The following ITSN1 variants were observed in gnomAD, a reference collection of about 807,000 sequenced individuals.
ITSN1 encodes the protein intersectin-1.
A neutral mutation model predicts 239.8 loss-of-function variants in ITSN1; 58 were observed. The observed-to-expected ratio is 0.24, with a 90% confidence interval of 0.20 to 0.30. The LOEUF is 0.30. Ranked by LOEUF, ITSN1 falls within the 10% of genes least tolerant of loss-of-function variation. ITSN1 has a pLI of 1.00. For synonymous variants in ITSN1, 780 were observed against 770.8 expected (o/e 1.01, Z -0.20); for missense variants, 1,558 against 2,103.3 (o/e 0.74, Z 5.07).
At position 33,775,125 on chromosome 21, in the gene ITSN1, C is replaced by T. The variant is rs959176970; in HGVS notation, c.1596+17C>T. ...CAATTACAGGTGAGGAAATATGCCTCTTAAAAGCTATTATATTAAACTGGC... is the reference window on the plus strand; with the variant it reads ...CAATTACAGGTGAGGAAATATGCCTTTTAAAAGCTATTATATTAAACTGGC... On this transcript the variant is annotated intron_variant, in intron 14 of 39. Transcript: ENST00000381318. 1.9e-6 allele frequency: 3 copies of T among 1,599,074 alleles called. No individual in the cohort carries two copies. The highest frequency in any genetic ancestry group is 2.6e-6 in the Non-Finnish European group (3 of 1,175,292).
chr21:33,765,771 T>A, intron 9 of ITSN1, 104 bp from the exon 10 acceptor site: 2 of 1,155,042 alleles, frequency 1.7e-6, no homozygotes, highest in Non-Finnish European at 2.5e-6. Flanking sequence ...AGAGACTCAG[T>A]TGGCCTGTGG....
chr21:33,701,035 A>G (rs62227746), intron 1 of ITSN1, among the ~76,000 whole-genome samples: 39,230 of 150,330 alleles, frequency 0.26, 5,556 homozygotes, highest in Middle Eastern at 0.38. Context: ...GCTGAAGTGC[A>G]GTGGTGCAAT....
intron 1 of ITSN1, among the ~76,000 whole-genome samples, chr21:33,647,130 TCTC>T (rs1435551142): frequency 2.0e-5 from 3 of 152,220 alleles, no homozygotes; most frequent in African/African-American, 7.2e-5. Context: ...AAATACTAAA[TCTC>T]CTGATCTCTT....
At chr21:33,841,507 C>T (rs574884488) in intron 29 of ITSN1, among the ~76,000 whole-genome samples, 1 of 152,318 alleles carries the variant, frequency 6.6e-6, no homozygotes, top group South Asian at 2.1e-4. Context: ...GCTGTCTCTC[C>T]AGTTTCCTTT....
At chr21:33,642,945 A>T (rs1201474638) in intron 1 of ITSN1, among the ~76,000 whole-genome samples, 1 of 149,176 alleles carries the variant, frequency 6.7e-6, no homozygotes, top group Non-Finnish European at 1.5e-5. Context: ...GCGGACCCGC[A>T]CTGGGAGGCC....
Position 33,889,265 on chromosome 21 carries a change from G to T in ITSN1, c.*965G>T, listed in dbSNP as rs955721892. 6.6e-6 allele frequency: 1 copy of T among 151,928 alleles called. No homozygotes were observed. The highest frequency in any genetic ancestry group is 1.5e-5 in the Non-Finnish European group (1 of 68,000). The allele number at this position is 151,928 out of a possible 1,614,324, so 9.4% of individuals were successfully genotyped here. On this transcript the variant is annotated 3_prime_UTR_variant, in exon 40 of 40. Transcript: ENST00000381318. ...TAGGACATTTCAACAGCTCTTTTTGGTACGTTCCCCAAAAAGCCATGTCCT... is the reference window on the plus strand; with the variant it reads ...TAGGACATTTCAACAGCTCTTTTTGTTACGTTCCCCAAAAAGCCATGTCCT...
intron 1 of ITSN1, chr21:33,716,520 A>G (rs2065152065): frequency 6.6e-6 from 1 of 152,198 alleles, no homozygotes; most frequent in Non-Finnish European, 1.5e-5. Flanking sequence ...AGAAACCTCC[A>G]CATTACTGAA....
At chr21:33,666,462 TAA>T (rs1218263866) in intron 1 of ITSN1, among the ~76,000 whole-genome samples, 4 of 107,546 alleles carry the variant, frequency 3.7e-5, no homozygotes, top group African/African-American at 1.4e-4. Context: ...TGCTGCAATT[TAA>T]AAAAAATAAA....
intron 16 of ITSN1, among the ~76,000 whole-genome samples, chr21:33,790,803 A>G (rs988558400): frequency 1.3e-5 from 2 of 152,170 alleles, no homozygotes; most frequent in Non-Finnish European, 2.9e-5. Context: ...CATTTCCCCC[A>G]ATAATTTGCT....
At chr21:33,646,186 C>T (rs1051668653) in intron 1 of ITSN1, among the ~76,000 whole-genome samples, 1 of 152,150 alleles carries the variant, frequency 6.6e-6, no homozygotes, top group Non-Finnish European at 1.5e-5. Context: ...AAGCACTATA[C>T]CCCAGTGACT....
In ITSN1 at chr21:33,704,940, A is replaced by C. The variant is rs1281891596; in HGVS notation, c.-32-13857A>C. Among the ~76,000 whole-genome samples, 262 of 147,538 alleles carry C rather than the reference A, an allele frequency of 1.8e-3. 9 individuals carry two copies. In the East Asian group the frequency reaches 0.047, roughly 27 times the overall value. On this transcript the variant is annotated intron_variant, in intron 1 of 39. Transcript: ENST00000381318. ...ATCTCTACTAAAAAAAAAAAAAAAA[A>C]AAAAAAATACAAACAAAAACATTAG...
chr21:33,739,431 G>C (rs1249379217), intron 5 of ITSN1, among the ~76,000 whole-genome samples: 1 of 152,150 alleles, frequency 6.6e-6, no homozygotes, highest in African/African-American at 2.4e-5. Flanking sequence ...AGCCCCTACT[G>C]TGTGTCCTAG....
chr21:33,869,069 T>TA (rs1430182378), intron 33 of ITSN1, among the ~76,000 whole-genome samples: 5 of 152,200 alleles, frequency 3.3e-5, no homozygotes, highest in Non-Finnish European at 7.3e-5. Flanking sequence ...CCAGTGCCTC[T>TA]AGGCCTTGAT....
At chr21:33,775,226 G>A in intron 14 of ITSN1, 118 bp downstream of exon 14, 1 of 1,076,298 alleles carries the variant, frequency 9.3e-7, no homozygotes, top group South Asian at 1.8e-5. Context: ...TAGGCACTGG[G>A]AAGCAAAAAT....
chr21:33,751,084 C>G (rs535082538), intron 6 of ITSN1, among the ~76,000 whole-genome samples: 1 of 152,150 alleles, frequency 6.6e-6, no homozygotes, highest in Non-Finnish European at 1.5e-5. Flanking sequence ...TAAGTTATGG[C>G]CAAATAAGCT....
chr21:33,669,542 C>T (rs1410041873), intron 1 of ITSN1, among the ~76,000 whole-genome samples: 3 of 151,766 alleles, frequency 2.0e-5, no homozygotes, highest in African/African-American at 7.3e-5. Flanking sequence ...CGGGTTCAAG[C>T]AATTCTCCTG....
intron 20 of ITSN1, among the ~76,000 whole-genome samples, chr21:33,807,252 A>C (rs2072524175): frequency 6.6e-6 from 1 of 152,122 alleles, no homozygotes; most frequent in South Asian, 2.1e-4. Flanking sequence ...CTAGGTGTAC[A>C]CTGCACCAGC....
intron 28 of ITSN1, among the ~76,000 whole-genome samples, chr21:33,836,215 A>G (rs914481842): frequency 6.6e-6 from 1 of 152,210 alleles, no homozygotes; most frequent in Non-Finnish European, 1.5e-5. Flanking sequence ...AGAGGACGAT[A>G]TCATAAAAAC....
At chr21:33,715,131 A>G (rs1165974602) in intron 1 of ITSN1, among the ~76,000 whole-genome samples, 8 of 152,210 alleles carry the variant, frequency 5.3e-5, no homozygotes, top group Admixed American at 5.2e-4. Flanking sequence ...AATATGAAAT[A>G]CCAAAACTGT....
Sources: allele counts gnomAD v4.1 joint callset (sites outside exome capture counted in the v4.1 genomes callset), GRCh38; gene constraint gnomAD v4.1.1; transcripts MANE v1.5; gene names NCBI Gene and HGNC (gene_info 2026-07-23, HGNC 2026-07-21).